Variants in FAT3 observed in about 807,000 individuals in gnomAD.
The protein encoded by FAT3 is protocadherin Fat 3.
Under a neutral mutation model 310.2 loss-of-function variants are expected in FAT3, and 95 were observed. The ratio of observed to expected loss-of-function variants is 0.31; its 90% CI spans 0.26 to 0.36. The LOEUF (loss-of-function observed/expected upper bound fraction) is 0.36. FAT3 is among the 10% of genes least tolerant of loss of function. The pLI is 1.00. For missense variants in FAT3, 5,408 were observed against 5,715.6 expected (o/e 0.95, Z 1.74); for synonymous variants, 2,314 against 2,192.9 (o/e 1.06, Z -1.54).
chr11:92,726,340 A>G (rs1944997525), intron 4 of FAT3, among the ~76,000 whole-genome samples: 1 of 152,182 alleles, frequency 6.6e-6, no homozygotes, highest in African/African-American at 2.4e-5. Context: ...AGAAAAGCAT[A>G]TTTATAGTCA....
chr11:92,609,198 G>A (rs1940449118), intron 3 of FAT3, among the ~76,000 whole-genome samples: 1 of 152,196 alleles, frequency 6.6e-6, no homozygotes, highest in Non-Finnish European at 1.5e-5. Context: ...GAACTCTAGT[G>A]AACTTGGACA....
rs138390298 is a variant in FAT3 at position 92,805,961 on chromosome 11, A to T, written c.9094-401A>T. On this transcript the variant is annotated intron_variant, in intron 11 of 27. Coordinates refer to ENST00000525166, the MANE Select transcript of FAT3 (RefSeq NM_001367949.2). ...GATTTAATCTCTCATACTAATGCCA[A>T]ATGCTGGTAGTGGCTCTTTAAAGAG... 1.3e-3 allele frequency among the ~76,000 whole-genome samples: 193 copies of T among 152,346 alleles called. 1 individual carries two copies. Among genetic ancestry groups the T allele is most frequent in the African/African-American group, 3.8e-3 (160 of 41,572 alleles).
intron 7 of FAT3, among the ~76,000 whole-genome samples, chr11:92,775,590 C>T (rs942465382): frequency 3.3e-5 from 5 of 152,024 alleles, no homozygotes; most frequent in Admixed American, 6.5e-5. Context: ...TTAAAGAGTC[C>T]CATTTATGTC....
chr11:92,363,740 G>A (rs1236365193), intron 2 of FAT3, among the ~76,000 whole-genome samples: 3 of 152,184 alleles, frequency 2.0e-5, no homozygotes, highest in Non-Finnish European at 2.9e-5. Flanking sequence ...GCAAGCAAGG[G>A]AGAGAAATGA....
chr11:92,606,029 C>T (rs755785259), intron 3 of FAT3, among the ~76,000 whole-genome samples: 1 of 152,042 alleles, frequency 6.6e-6, no homozygotes, highest in East Asian at 1.9e-4. Context: ...GCAAGCTGGG[C>T]AAGTTAGGGT....
rs151230282 is a variant in FAT3 at position 92,663,305 on chromosome 11, A to T, written c.3608-34079A>T. Among the ~76,000 whole-genome samples, 1,342 of 152,234 alleles carry T rather than the reference A, an allele frequency of 8.8e-3. 22 individuals carry two copies. The highest frequency in any genetic ancestry group is 0.031 in the African/African-American group (1,277 of 41,538). ...TCAGGTTGAAGGAGTTAAGGGTGGG[A>T]GAAGAGATTGAGACTAGGTCACAGT... On this transcript the variant is annotated intron_variant, in intron 3 of 27. Coordinates refer to ENST00000525166, the MANE Select transcript of FAT3 (RefSeq NM_001367949.2).
At chr11:92,775,212 C>A (rs1031058067) in intron 7 of FAT3, among the ~76,000 whole-genome samples, 1 of 152,118 alleles carries the variant, frequency 6.6e-6, no homozygotes, top group African/African-American at 2.4e-5. Flanking sequence ...TTTTGCCAAC[C>A]CTGAAGCAAG....
intron 2 of FAT3, among the ~76,000 whole-genome samples, chr11:92,477,876 A>G (rs1952089892): frequency 6.6e-6 from 1 of 152,196 alleles, no homozygotes; most frequent in Admixed American, 6.5e-5. Flanking sequence ...AGTGTGCTGC[A>G]GGAGTTCTGT....
In FAT3 at chr11:92,460,171, A is replaced by G. The variant is rs1951598577; in HGVS notation, c.3293-64463A>G. Reference sequence around the variant, plus strand: ...GCGAGTTCTGGGAAATGGATTTCATACCTCTTTCAGAGGGTAGAGAAATTG... The same window carrying G: ...GCGAGTTCTGGGAAATGGATTTCATGCCTCTTTCAGAGGGTAGAGAAATTG... On this transcript the variant is annotated intron_variant, in intron 2 of 27. Transcript: ENST00000525166. 2.0e-5 allele frequency among the ~76,000 whole-genome samples: 3 copies of G among 152,192 alleles called. No homozygotes were observed. The South Asian group carries it at 6.2e-4, about 32-fold the overall frequency.
At chr11:92,540,531 T>C (rs1954412220) in intron 3 of FAT3, among the ~76,000 whole-genome samples, 1 of 152,180 alleles carries the variant, frequency 6.6e-6, no homozygotes, top group Admixed American at 6.5e-5. Context: ...TGAGGCTTCT[T>C]TTCATGAGAC....
chr11:92,289,303 T>C (rs2134388767), intron 1 of FAT3, among the ~76,000 whole-genome samples: 1 of 152,198 alleles, frequency 6.6e-6, no homozygotes, highest in Middle Eastern at 3.4e-3. Context: ...TTTAGTACAC[T>C]TATGCTCCAG....
chr11:92,229,490 G>C (rs1380134876), intron 1 of FAT3, among the ~76,000 whole-genome samples: 1 of 46,840 alleles, frequency 2.1e-5, no homozygotes. Flanking sequence ...TTGTTTTTTC[G>C]TGTTTTTTTT....
chr11:92,757,467 G>A (rs1946033082), intron 4 of FAT3, among the ~76,000 whole-genome samples: 1 of 152,080 alleles, frequency 6.6e-6, no homozygotes, highest in Non-Finnish European at 1.5e-5. Context: ...GGAGATGATG[G>A]GGATTTATCT....
intron 2 of FAT3, among the ~76,000 whole-genome samples, chr11:92,403,805 G>A (rs1345361588): frequency 6.6e-6 from 1 of 152,206 alleles, no homozygotes; most frequent in African/African-American, 2.4e-5. Context: ...GGGAGGACAA[G>A]GTGGGAGGAT....
chr11:92,730,825 A>G (rs981455722), intron 4 of FAT3, among the ~76,000 whole-genome samples: 3 of 152,184 alleles, frequency 2.0e-5, no homozygotes, highest in Non-Finnish European at 4.4e-5. Flanking sequence ...TCAAATCTCA[A>G]AAAAGACTAT....
intron 17 of FAT3, 23 bp downstream of exon 17, chr11:92,837,829 GCACTTGT>G: frequency 6.2e-7 from 1 of 1,613,816 alleles, no homozygotes; most frequent in Non-Finnish European, 8.5e-7. Context: ...TGCCTGCCAA[GCACTTGT>G]CCCTTTGCAT....
At chr11:92,345,503 C>G (rs949820100) in intron 1 of FAT3, among the ~76,000 whole-genome samples, 8 of 152,126 alleles carry the variant, frequency 5.3e-5, no homozygotes, top group African/African-American at 1.4e-4. Flanking sequence ...AGGCCCCACC[C>G]CGGATCAACA....
chr11:92,448,136 A>G (rs1456037985), intron 2 of FAT3, among the ~76,000 whole-genome samples: 1 of 152,124 alleles, frequency 6.6e-6, no homozygotes, highest in Non-Finnish European at 1.5e-5. Flanking sequence ...TTAAAATCAC[A>G]CTTACCTTTT....
chr11:92,356,267 A>G (rs560205910), intron 2 of FAT3, among the ~76,000 whole-genome samples: 1 of 152,268 alleles, frequency 6.6e-6, no homozygotes, highest in African/African-American at 2.4e-5. Flanking sequence ...TCTAGATTTT[A>G]GATTGTAGAC....
Sources: allele counts gnomAD v4.1 joint callset (sites outside exome capture counted in the v4.1 genomes callset), GRCh38; gene constraint gnomAD v4.1.1; transcripts MANE v1.5; gene names NCBI Gene and HGNC (gene_info 2026-07-23, HGNC 2026-07-21).